The following CCSER2 variants were observed in gnomAD, a reference collection of about 807,000 sequenced individuals.
The protein encoded by CCSER2 is coiled-coil serine rich protein 2.
Under a neutral mutation model 92.3 loss-of-function variants are expected in CCSER2, and 46 were observed. The ratio of observed to expected loss-of-function variants is 0.50; its 90% CI spans 0.39 to 0.64. The LOEUF (loss-of-function observed/expected upper bound fraction) is 0.64. Among genes scored for constraint, CCSER2 ranks in the 30% least tolerant of loss-of-function variants. The pLI, the probability that CCSER2 is intolerant of heterozygous loss-of-function variation, is 0.00. For missense variants in CCSER2, 1,244 were observed against 1,238.9 expected (o/e 1.00, Z -0.06); for synonymous variants, 433 against 431.4 (o/e 1.00, Z -0.04).
chr10:84,456,635 AAACTT>A (rs1397353826), intron 6 of CCSER2, among the ~76,000 whole-genome samples: 4 of 152,186 alleles, frequency 2.6e-5, no homozygotes, highest in African/African-American at 9.7e-5. Context: ...TGGTAAGTGT[AAACTT>A]AACTTTTTAA....
chr10:84,383,157 A>T (rs545964149), intron 3 of CCSER2, among the ~76,000 whole-genome samples: 251 of 145,878 alleles, frequency 1.7e-3, no homozygotes, highest in Non-Finnish European at 2.9e-3. Context: ...AAAAATATCA[A>T]ACCTGGTTTA....
rs549183903 is a variant in CCSER2, at chr10:84,453,925, T to G, written c.2065-10008T>G. ...TATTTCAGCTTTTTGTGGGTGTGATTGTTGAGATTTATCTGGTGTTTCTCT... is the reference window on the plus strand; with the variant it reads ...TATTTCAGCTTTTTGTGGGTGTGATGGTTGAGATTTATCTGGTGTTTCTCT... On this transcript the variant is annotated intron_variant, in intron 6 of 9. Transcript: ENST00000372088. Among the ~76,000 whole-genome samples, 4 of 152,302 alleles carry G rather than the reference T, an allele frequency of 2.6e-5. No individual in the cohort carries two copies. In the East Asian group the frequency reaches 7.7e-4, roughly 29 times the overall value.
intron 1 of CCSER2, among the ~76,000 whole-genome samples, chr10:84,338,731 A>G (rs892567504): frequency 2.0e-5 from 3 of 152,108 alleles, no homozygotes; most frequent in Non-Finnish European, 2.9e-5. Flanking sequence ...TTTGACAGCT[A>G]CTCTTCTCTA....
intron 3 of CCSER2, among the ~76,000 whole-genome samples, chr10:84,412,069 T>C (rs1222789941): frequency 6.6e-6 from 1 of 152,214 alleles, no homozygotes; most frequent in Non-Finnish European, 1.5e-5. Context: ...GAGATAGTCA[T>C]GTGGTTTTTG....
At chr10:84,485,261 AC>A (rs1847737553) in intron 9 of CCSER2, among the ~76,000 whole-genome samples, 1 of 152,306 alleles carries the variant, frequency 6.6e-6, no homozygotes, top group East Asian at 1.9e-4. Flanking sequence ...TTGTGTAGTA[AC>A]TGTGCCATTT....
rs185561445 is a variant in CCSER2 at position 84,417,391 on chromosome 10, A to G, written c.1615-380A>G. Among the ~76,000 whole-genome samples, 17 of 152,362 alleles carry G rather than the reference A, an allele frequency of 1.1e-4. No homozygotes were observed. In the East Asian group the frequency reaches 1.9e-3, roughly 17 times the overall value. ...TTTTATTATTTATGTAAGTGGTCCA[A>G]TCCCTGGAAATAATAGAACAGCCTC... On this transcript the variant is annotated intron_variant, in intron 3 of 9. Coordinates refer to ENST00000372088, the MANE Select transcript of CCSER2 (RefSeq NM_001284240.2).
intron 3 of CCSER2, among the ~76,000 whole-genome samples, chr10:84,406,726 G>A (rs1392134677): frequency 1.3e-5 from 2 of 152,178 alleles, no homozygotes; most frequent in Admixed American, 6.5e-5. Context: ...CTCCCAATAA[G>A]TGCAGGACTG....
chr10:84,348,301 A>T (rs1459346079), intron 1 of CCSER2, among the ~76,000 whole-genome samples: 2 of 152,146 alleles, frequency 1.3e-5, no homozygotes, highest in Non-Finnish European at 2.9e-5. Context: ...AAAATACGAA[A>T]ACCAGTCAGG....
At chr10:84,348,489 G>A (rs969055343) in intron 1 of CCSER2, among the ~76,000 whole-genome samples, 5 of 151,988 alleles carry the variant, frequency 3.3e-5, no homozygotes, top group Admixed American at 1.3e-4. Flanking sequence ...GAGGGAGACC[G>A]TGGGGAGAGG....
chr10:84,415,868 G>A (rs534496494), intron 3 of CCSER2, among the ~76,000 whole-genome samples: 1 of 152,136 alleles, frequency 6.6e-6, no homozygotes, highest in East Asian at 1.9e-4. Context: ...CAAGTCAGTG[G>A]GTCTTAACGT....
intron 1 of CCSER2, among the ~76,000 whole-genome samples, chr10:84,351,609 A>G (rs1022284185): frequency 1.2e-4 from 19 of 152,138 alleles, no homozygotes; most frequent in Admixed American, 1.2e-3. Flanking sequence ...GGCTTAAGTG[A>G]TCCTCCCACT....
intron 7 of CCSER2, among the ~76,000 whole-genome samples, chr10:84,465,650 AAATT>A (rs1468668971): frequency 2.0e-5 from 3 of 152,108 alleles, no homozygotes; most frequent in Non-Finnish European, 2.9e-5. Context: ...TAAAGAAAAA[AAATT>A]AATTCCAACA....
chr10:84,405,139 C>T (rs989838173), intron 3 of CCSER2, among the ~76,000 whole-genome samples: 4 of 152,094 alleles, frequency 2.6e-5, no homozygotes, highest in Non-Finnish European at 4.4e-5. Flanking sequence ...ATCAATGGAA[C>T]GTAATAGAGG....
intron 5 of CCSER2, among the ~76,000 whole-genome samples, chr10:84,431,919 C>A (rs970891910): frequency 1.3e-5 from 2 of 152,142 alleles, no homozygotes; most frequent in African/African-American, 4.8e-5. Context: ...TGGTAAATAT[C>A]AAGGAGCACT....
intron 3 of CCSER2, among the ~76,000 whole-genome samples, chr10:84,397,612 T>TA (rs575740571): frequency 5.3e-5 from 8 of 152,256 alleles, no homozygotes; most frequent in Non-Finnish European, 1.2e-4. Context: ...CACCGACTGT[T>TA]ATAATCAGTA....
In CCSER2 at chr10:84,345,551, GA is replaced by G. The variant is rs150979168; in HGVS notation, c.-40+16748del. 6.4e-4 allele frequency among the ~76,000 whole-genome samples: 98 copies of G among 152,172 alleles called. 4 individuals carry two copies. In the East Asian group the frequency reaches 0.017, roughly 27 times the overall value. On this transcript the variant is annotated intron_variant, in intron 1 of 9. Coordinates refer to ENST00000372088, the MANE Select transcript of CCSER2 (RefSeq NM_001284240.2). The stretch of plus-strand genomic sequence containing the variant: ...TTTGGCAAGTTTCGTTGTGGCATTT[GA>G]AAAACTGCCCTTTCCCAGTAAAATG...
intron 7 of CCSER2, among the ~76,000 whole-genome samples, chr10:84,466,506 TGG>T (rs199699043): frequency 1.3e-5 from 2 of 149,528 alleles, no homozygotes; most frequent in Non-Finnish European, 3.0e-5. Context: ...TTTGTTTTTT[TGG>T]TTTTTTTTTT....
rs199525483 is a variant in CCSER2 at position 84,438,673 on chromosome 10, C to T, written c.2030C>T (p.Thr677Ile). The T allele has an allele frequency of 6.2e-7, 1 of 1,610,292 alleles. No individual in the cohort carries two copies. Among genetic ancestry groups the T allele is most frequent in the Non-Finnish European group, 8.5e-7 (1 of 1,178,274 alleles). Residue 677 changes from threonine to isoleucine, a missense_variant, in exon 6 of 10, where the codon ACT (threonine) becomes ATT (isoleucine). Thr to Ile is a moderately conservative substitution (Grantham distance 89, BLOSUM62 -1). Coordinates refer to ENST00000372088, the MANE Select transcript of CCSER2 (RefSeq NM_001284240.2). ...GTTCAGGATTGCACTGCTGTAAAAA[C>T]TCAGTTACTCAAACTGAAACGTCTC... Reference protein sequence around the residue: ...HMVQDCTAVKTQLLKLKRLLH... With the variant: ...HMVQDCTAVKIQLLKLKRLLH...
intron 6 of CCSER2, among the ~76,000 whole-genome samples, chr10:84,459,298 A>G (rs1845958140): frequency 6.6e-6 from 1 of 152,142 alleles, no homozygotes. Flanking sequence ...ATAGATACTT[A>G]AGGGACTTTC....
Sources: allele counts gnomAD v4.1 joint callset (sites outside exome capture counted in the v4.1 genomes callset), GRCh38; gene constraint gnomAD v4.1.1; transcripts MANE v1.5; gene names NCBI Gene and HGNC (gene_info 2026-07-23, HGNC 2026-07-21).